Variants in ANKRD12 observed in about 807,000 individuals in gnomAD.
The protein encoded by ANKRD12 is ankyrin repeat domain-containing protein 12.
Under a neutral mutation model 183.4 loss-of-function variants are expected in ANKRD12, and 85 were observed. The ratio of observed to expected loss-of-function variants is 0.46; its 90% CI spans 0.39 to 0.56. The LOEUF is 0.56. Among genes scored for constraint, ANKRD12 ranks in the 20% least tolerant of loss-of-function variants. The pLI, the probability that ANKRD12 is intolerant of heterozygous loss-of-function variation, is 0.00. For synonymous variants in ANKRD12, 914 were observed against 800.2 expected, an observed-to-expected ratio of 1.14 and a Z score of -2.40; for missense variants, 2,405 against 2,357.1, an observed-to-expected ratio of 1.02 and a Z score of -0.42.
chr18:9,168,818 T>C (rs1351958867), intron 1 of ANKRD12, among the ~76,000 whole-genome samples: 1 of 152,182 alleles, frequency 6.6e-6, no homozygotes, highest in Non-Finnish European at 1.5e-5. Context: ...TGTTAGGGTG[T>C]CAATTTTAGA....
At chr18:9,203,170 C>T (rs909116562) in intron 3 of ANKRD12, among the ~76,000 whole-genome samples, 5 of 152,118 alleles carry the variant, frequency 3.3e-5, no homozygotes, top group Admixed American at 6.5e-5. Context: ...AATATGTGTT[C>T]ATTGAAAGTT....
At chr18:9,239,277 A>G (rs1269698934) in intron 8 of ANKRD12, among the ~76,000 whole-genome samples, 1 of 152,242 alleles carries the variant, frequency 6.6e-6, no homozygotes, top group African/African-American at 2.4e-5. Context: ...CGCTTCTGAA[A>G]ATTGTAGCTA....
chr18:9,259,325 T>G (rs189035970), intron 9 of ANKRD12: 3 of 156,374 alleles, frequency 1.9e-5, no homozygotes, highest in Non-Finnish European at 2.8e-5. Context: ...CAGGAATTTA[T>G]ACACATTTAT....
chr18:9,211,479 C>CATTCCTT, intron 5 of ANKRD12, 105 bp from the exon 6 acceptor site: 1 of 1,000,338 alleles, frequency 1.0e-6, no homozygotes, highest in South Asian at 1.6e-5. Flanking sequence ...GGTGAGAAGG[C>CATTCCTT]ATTCCTTGTG....
chr18:9,244,664 A>C (rs1312180838), intron 8 of ANKRD12, among the ~76,000 whole-genome samples: 1 of 152,120 alleles, frequency 6.6e-6, no homozygotes, highest in Non-Finnish European at 1.5e-5. Flanking sequence ...ATATGATGGC[A>C]TTTTGTGCTG....
intron 3 of ANKRD12, among the ~76,000 whole-genome samples, chr18:9,200,263 C>T (rs1478838039): frequency 6.6e-6 from 1 of 152,126 alleles, no homozygotes; most frequent in Non-Finnish European, 1.5e-5. Context: ...CCAGTGGGTC[C>T]TTGTAGCTCT....
rs1166664977 is a variant in ANKRD12, at chr18:9,257,446, C to T, written c.4179C>T (p.Ala1393=). 6.2e-7 allele frequency: 1 copy of T among 1,614,052 alleles called. No homozygotes were observed. Among genetic ancestry groups the T allele is most frequent in the South Asian group, 1.1e-5 (1 of 91,080 alleles). ...ATAGAAATCTCATCAAGAATACTGC[C>T]CCAGTGAACACTGTAATGGACAGTC... is the stretch of plus-strand genomic sequence containing the variant. ...SADRNLIKNT[A]PVNTVMDSPV... Residue 1393 remains alanine, a synonymous_variant, in exon 9 of 13, where the codon GCC becomes GCT. Transcript: ENST00000262126.
chr18:9,168,264 C>T (rs967181774), intron 1 of ANKRD12, among the ~76,000 whole-genome samples: 11 of 152,246 alleles, frequency 7.2e-5, no homozygotes, highest in Admixed American at 6.5e-4. Context: ...CCCTCTTTTT[C>T]TATTGATTGG....
At chr18:9,184,454 G>A (rs928016090) in intron 2 of ANKRD12, among the ~76,000 whole-genome samples, 5 of 151,912 alleles carry the variant, frequency 3.3e-5, no homozygotes, top group African/African-American at 1.2e-4. Flanking sequence ...GTGCAGTGGT[G>A]TGATCTCAGC....
In ANKRD12 at chr18:9,221,801, G is replaced by A. The variant is rs778197693; in HGVS notation, c.796-51G>A. On this transcript the variant is annotated intron_variant, in intron 7 of 12. Transcript: ENST00000262126. ...GAGTATTATCAAGAGAATGGGTGCAGTGATAACAATCTGTGAAGGGACTAA... is the reference window on the plus strand; with the variant it reads ...GAGTATTATCAAGAGAATGGGTGCAATGATAACAATCTGTGAAGGGACTAA... 111 of 1,590,738 alleles carry A rather than the reference G, an allele frequency of 7.0e-5. 1 individual carries two copies. The highest frequency in any genetic ancestry group is 6.4e-4 in the South Asian group (57 of 88,962).
intron 2 of ANKRD12, among the ~76,000 whole-genome samples, chr18:9,194,754 G>C (rs2034671348): frequency 6.6e-6 from 1 of 151,986 alleles, no homozygotes; most frequent in African/African-American, 2.4e-5. Context: ...AGATATAATG[G>C]TTCTATTCAA....
At chr18:9,146,622 C>T (rs1471846651) in intron 1 of ANKRD12, among the ~76,000 whole-genome samples, 1 of 152,196 alleles carries the variant, frequency 6.6e-6, no homozygotes, top group Middle Eastern at 3.2e-3. Context: ...TTTCTTTCAG[C>T]TATTAGAATA....
intron 9 of ANKRD12, among the ~76,000 whole-genome samples, chr18:9,263,492 CCTT>C (rs1352843608): frequency 6.6e-6 from 1 of 152,134 alleles, no homozygotes; most frequent in Non-Finnish European, 1.5e-5. Flanking sequence ...CTCCTTCCCT[CCTT>C]GTCTGTGAGC....
In ANKRD12 at chr18:9,159,505, C is replaced by T. The variant is rs1156918832; in HGVS notation, c.-52+22540C>T. ...GGGGTGCAGTGGCGCAATCTCGGCT[C>T]ACTGGAATCTCTGCCTCCCGGGTTC... On this transcript the variant is annotated intron_variant, in intron 1 of 12. Transcript: ENST00000262126. Among the ~76,000 whole-genome samples, 3 of 150,984 alleles carry T rather than the reference C, an allele frequency of 2.0e-5. No homozygotes were observed. The East Asian group carries it at 5.9e-4, about 30-fold the overall frequency.
intron 8 of ANKRD12, among the ~76,000 whole-genome samples, chr18:9,251,239 T>C (rs1278540833): frequency 1.3e-5 from 2 of 152,186 alleles, no homozygotes; most frequent in Non-Finnish European, 2.9e-5. Context: ...CACTATATAC[T>C]GTTATCTCCC....
rs1401189540 is a variant in ANKRD12 at position 9,255,200 on chromosome 18, A to G, written c.1933A>G (p.Lys645Glu). Residue 645 changes from lysine (K) to glutamate (E), a missense_variant, in exon 9 of 13, where the codon AAA (lysine) becomes GAA (glutamate). This residue lies in a region of ANKRD12 where 1,983 missense variants were observed against 1,725.9 expected (regional missense o/e 1.15). Coordinates refer to ENST00000262126, the MANE Select transcript of ANKRD12 (RefSeq NM_015208.5). ...NSDCTLKKMD[K>E]EGKTLKKHKL... ...AGATTGCACACTGAAAAAAATGGAT[A>G]AAGAAGGTAAAACATTAAAAAAACA... The G allele has an allele frequency of 3.2e-6, 5 of 1,584,588 alleles. No individual in the cohort carries two copies. Among genetic ancestry groups the G allele is most frequent in the Admixed American group, 3.9e-5 (2 of 51,390 alleles).
At chr18:9,139,922 C>G (rs138067313) in intron 1 of ANKRD12, among the ~76,000 whole-genome samples, 15 of 152,150 alleles carry the variant, frequency 9.9e-5, no homozygotes, top group Non-Finnish European at 2.2e-4. Context: ...CGAGAGGTTT[C>G]TTTCTGTGAA....
chr18:9,250,319 G>A, intron 8 of ANKRD12: 1 of 152,140 alleles, frequency 6.6e-6, no homozygotes, highest in Non-Finnish European at 1.5e-5. Context: ...GGTGAGAAGA[G>A]ATATGATAGA....
chr18:9,151,080 G>A lies in ANKRD12; in HGVS notation c.-52+14115G>A, dbSNP rs546800617. Among the ~76,000 whole-genome samples, 18 of 152,280 alleles carry A rather than the reference G, an allele frequency of 1.2e-4. No homozygotes were observed. In the East Asian group the frequency reaches 1.9e-3, roughly 16 times the overall value. On this transcript the variant is annotated intron_variant, in intron 1 of 12. Coordinates refer to ENST00000262126, the MANE Select transcript of ANKRD12 (RefSeq NM_015208.5). ...TGGTGAAAATTAACTATTACTTTAG[G>A]AAAATATGATAAAGAGAGCATGTTC...
Sources: gnomAD v4.1 joint callset for allele counts (sites outside exome capture counted in the v4.1 genomes callset) on GRCh38, gnomAD v4.1.1 for gene constraint, gnomAD v4.1.1 regional missense constraint, MANE v1.5 for transcripts, NCBI Gene and HGNC (gene_info 2026-07-23, HGNC 2026-07-21) for gene names.